The following JCHAIN variants were observed in gnomAD, a reference collection of about 807,000 sequenced individuals.
JCHAIN encodes the protein immunoglobulin J chain.
In JCHAIN, 5 loss-of-function variants were observed where a neutral mutation model predicts 11.1. The ratio of observed to expected loss-of-function variants is 0.45; its 90% CI spans 0.24 to 0.95. The LOEUF is 0.95. JCHAIN is among the 40% of genes least tolerant of loss of function. JCHAIN has a pLI of 0.21. For synonymous variants in JCHAIN, 51 were observed against 67.8 expected (o/e 0.75, Z 1.22); for missense variants, 165 against 192.7 (o/e 0.86, Z 0.85).
At chr4:70,665,552 C>T (rs80182160) in intron 1 of JCHAIN, among the ~76,000 whole-genome samples, 3,263 of 151,974 alleles carry the variant, frequency 0.021, 116 homozygotes, top group African/African-American at 0.076. Flanking sequence ...TCACTGTAAG[C>T]TGAAAGTATG....
chr4:70,656,231 C>A lies in JCHAIN; in HGVS notation c.*98G>T. The A allele has an allele frequency of 3.6e-6, 3 of 829,234 alleles. No homozygotes were observed. The highest frequency in any genetic ancestry group is 5.6e-6 in the Non-Finnish European group (3 of 532,386). The allele number at this position is 829,234 out of a possible 1,614,324, so 51.4% of individuals were successfully genotyped here. ...ACATCACCCAAAAAAAAAAAAAAGC[C>A]CTGGTTTCAAATTCATTGGTAATAA... On this transcript the variant is annotated 3_prime_UTR_variant, in exon 4 of 4. Coordinates refer to ENST00000254801, the MANE Select transcript of JCHAIN (RefSeq NM_144646.4).
At chr4:70,663,768 T>C (rs551217879) in intron 1 of JCHAIN, among the ~76,000 whole-genome samples, 4 of 148,614 alleles carry the variant, frequency 2.7e-5, no homozygotes, top group Non-Finnish European at 3.0e-5. Flanking sequence ...ACCATGTTGG[T>C]TAGGCTGGTC....
intron 1 of JCHAIN, among the ~76,000 whole-genome samples, chr4:70,663,751 G>T (rs113673515): frequency 6.7e-6 from 1 of 150,318 alleles, no homozygotes; most frequent in African/African-American, 2.4e-5. Context: ...AGTAGAGACC[G>T]AGTTTCACCA....
chr4:70,655,667 T>C lies in JCHAIN; in HGVS notation c.*662A>G, dbSNP rs538063983. The C allele has an allele frequency of 2.6e-5, 4 of 152,286 alleles. No individual in the cohort carries two copies. Among genetic ancestry groups the C allele is most frequent in the Non-Finnish European group, 5.9e-5 (4 of 68,024 alleles). 9.4% of individuals were successfully genotyped at this position (152,286 alleles called of 1,614,324 possible). Reference sequence around the variant, plus strand: ...ATGGCAATTTCTTACACTAACCTGATTATGAAAAAAAGAAGTCTGTATCAT... The same window carrying C: ...ATGGCAATTTCTTACACTAACCTGACTATGAAAAAAAGAAGTCTGTATCAT... On this transcript the variant is annotated 3_prime_UTR_variant, in exon 4 of 4. Transcript: ENST00000254801.
At chr4:70,657,011 C>A (rs1037952403) in intron 3 of JCHAIN, among the ~76,000 whole-genome samples, 200 bp downstream of exon 3, 1 of 152,066 alleles carries the variant, frequency 6.6e-6, no homozygotes, top group African/African-American at 2.4e-5. Flanking sequence ...AAATGTATAG[C>A]TAAATTTTAT....
intron 2 of JCHAIN, among the ~76,000 whole-genome samples, chr4:70,660,914 C>A (rs1340401866): frequency 6.6e-6 from 1 of 152,044 alleles, no homozygotes; most frequent in Non-Finnish European, 1.5e-5. Flanking sequence ...AATATATAAG[C>A]TCTAAAAGGA....
chr4:70,662,296 G>T (rs1739074877), intron 1 of JCHAIN, 81 bp from the exon 2 acceptor site: 7 of 1,281,248 alleles, frequency 5.5e-6, no homozygotes, highest in Non-Finnish European at 7.6e-6. Flanking sequence ...TATCTTTCTT[G>T]CCTGCAGAAA....
chr4:70,658,119 T>A (rs1738985215), intron 2 of JCHAIN, among the ~76,000 whole-genome samples: 1 of 152,180 alleles, frequency 6.6e-6, no homozygotes, highest in Admixed American at 6.5e-5. Flanking sequence ...AATCCTCCCC[T>A]GTCACATATC....
intron 3 of JCHAIN, 67 bp downstream of exon 3, chr4:70,657,143 TA>T: frequency 1.2e-6 from 1 of 816,416 alleles, no homozygotes; most frequent in Non-Finnish European, 2.0e-6. Context: ...ACATTCTTAC[TA>T]ACAAGGTTAA....
Position 70,662,225 on chromosome 4 carries a change from T to C in JCHAIN, c.65-10A>G, listed in dbSNP as rs371989005. 2.2e-5 allele frequency: 35 copies of C among 1,608,420 alleles called. No homozygotes were observed. The African/African-American group carries it at 4.5e-4, about 21-fold the overall frequency. On this transcript the variant is annotated splice_polypyrimidine_tract_variant and intron_variant, in intron 1 of 3. Transcript: ENST00000254801. ...CTTTCATCTTCTTGGGCTTGAAAGG[T>C]AAACGTATTAAAAAGAAAGGAAAAC... is the stretch of plus-strand genomic sequence containing the variant.
rs1661925290 is a variant in JCHAIN at position 70,656,530 on chromosome 4, T to G, written c.279A>C (p.Lys93Asn). The G allele has an allele frequency of 6.2e-7, 1 of 1,611,474 alleles. No individual in the cohort carries two copies. The highest frequency in any genetic ancestry group is 1.1e-5 in the South Asian group (1 of 90,992). ...CCAGCTCCACTTCTGTAGGATCACA[T>G]TTTTTACAGCTGAAAAGCAAATATA... is the stretch of plus-strand genomic sequence containing the variant. ...FVYHLSDLCK[K>N]CDPTEVELDN... The change falls in exon 4 of 4, where the codon AAA (lysine) becomes AAC (asparagine). Residue 93 changes from lysine (K) to asparagine (N), a missense_variant. Lys to Asn is a moderately conservative substitution (Grantham distance 94, BLOSUM62 0). Coordinates refer to ENST00000254801, the MANE Select transcript of JCHAIN (RefSeq NM_144646.4).
chr4:70,660,203 G>A (rs1287893930), intron 2 of JCHAIN, among the ~76,000 whole-genome samples: 1 of 152,024 alleles, frequency 6.6e-6, no homozygotes, highest in African/African-American at 2.4e-5. Flanking sequence ...ATGTGGGCAG[G>A]ATCTGAGTGG....
chr4:70,662,598 C>A (rs377659653), intron 1 of JCHAIN, among the ~76,000 whole-genome samples: 5 of 152,058 alleles, frequency 3.3e-5, no homozygotes, highest in African/African-American at 1.2e-4. Flanking sequence ...CAATTATCTG[C>A]CTTTTCATAA....
chr4:70,659,883 T>G (rs6818237), intron 2 of JCHAIN, among the ~76,000 whole-genome samples: 3,405 of 151,718 alleles, frequency 0.022, 113 homozygotes, highest in African/African-American at 0.072. Flanking sequence ...ATGATAAGAA[T>G]AATAATAATA....
chr4:70,666,464 TC>T lies in JCHAIN; in HGVS notation c.26del (p.Gly9GlufsTer12). On this transcript the variant is annotated frameshift_variant, in exon 1 of 4. Transcript: ENST00000254801. LOFTEE classifies it high-confidence loss of function. MKNHLLFW[G>X]VLAVFIKAVH... is the part of the protein sequence containing the mutation. ...CAGCCTTAATAAAAACCGCCAGGAC[TC>T]CCCAGAAAAGCAAATGGTTCTTCAT... 2 of 1,613,276 alleles carry T rather than the reference TC, an allele frequency of 1.2e-6. No individual in the cohort carries two copies. Among genetic ancestry groups the T allele is most frequent in the Non-Finnish European group, 1.7e-6 (2 of 1,179,306 alleles).
At position 70,656,144 on chromosome 4, in the gene JCHAIN, A is replaced by G. The variant is rs530123866; in HGVS notation, c.*185T>C. 10 of 585,930 alleles carry G rather than the reference A, an allele frequency of 1.7e-5. No homozygotes were observed. Among genetic ancestry groups the G allele is most frequent in the African/African-American group, 1.7e-4 (9 of 53,526 alleles). 36.3% of individuals were successfully genotyped at this position (585,930 alleles called of 1,614,324 possible). On this transcript the variant is annotated 3_prime_UTR_variant, in exon 4 of 4. Coordinates refer to ENST00000254801, the MANE Select transcript of JCHAIN (RefSeq NM_144646.4). ...AGTATGAACATATAATTAAGAAGTG[A>G]TTACCTAATAAAGATAACAATGTGA...
At chr4:70,662,762 C>G (rs765380871) in intron 1 of JCHAIN, among the ~76,000 whole-genome samples, 1 of 151,918 alleles carries the variant, frequency 6.6e-6, no homozygotes, top group Non-Finnish European at 1.5e-5. Flanking sequence ...AGTTCAAGAC[C>G]GGCCTGGCCA....
chr4:70,662,953 C>T (rs1252385558), intron 1 of JCHAIN, among the ~76,000 whole-genome samples: 4 of 143,902 alleles, frequency 2.8e-5, no homozygotes, highest in Admixed American at 6.9e-5. Context: ...AGTGAGACTT[C>T]ATCTCAAAAA....
In JCHAIN at chr4:70,655,659, T is replaced by C. The variant is rs923025929; in HGVS notation, c.*670A>G. The C allele has an allele frequency of 6.6e-6, 1 of 152,178 alleles. No individual in the cohort carries two copies. Among genetic ancestry groups the C allele is most frequent in the Non-Finnish European group, 1.5e-5 (1 of 68,024 alleles). The allele number at this position is 152,178 out of a possible 1,614,324, so 9.4% of individuals were successfully genotyped here. On this transcript the variant is annotated 3_prime_UTR_variant, in exon 4 of 4. Transcript: ENST00000254801. ...TGTTTCAAATGGCAATTTCTTACAC[T>C]AACCTGATTATGAAAAAAAGAAGTC...
Sources: allele counts gnomAD v4.1 joint callset (sites outside exome capture counted in the v4.1 genomes callset), GRCh38; gene constraint gnomAD v4.1.1; transcripts MANE v1.5; gene names NCBI Gene and HGNC (gene_info 2026-07-23, HGNC 2026-07-21).